LUZP2: variants seen among roughly 807,000 people sequenced by gnomAD.
LUZP2 encodes leucine zipper protein 2.
Under a neutral mutation model 51.6 loss-of-function variants are expected in LUZP2, and 52 were observed. That is an observed-to-expected ratio of 1.01 (90% CI 0.81 to 1.27). The LOEUF is 1.27. LUZP2 is among the 50% of genes most tolerant of loss of function. The pLI is 0.00. For missense variants in LUZP2, 436 were observed against 395.4 expected, an observed-to-expected ratio of 1.10 and a Z score of -0.87; for synonymous variants, 154 against 137.3, an observed-to-expected ratio of 1.12 and a Z score of -0.85.
intron 1 of LUZP2, among the ~76,000 whole-genome samples, chr11:24,548,731 A>G (rs973680466): frequency 6.6e-6 from 1 of 152,014 alleles, no homozygotes. Context: ...TAGATAAAAT[A>G]AAAATAAGAA....
chr11:24,548,360 C>T (rs977535392), intron 1 of LUZP2, among the ~76,000 whole-genome samples: 1 of 152,088 alleles, frequency 6.6e-6, no homozygotes, highest in Non-Finnish European at 1.5e-5. Flanking sequence ...CCATGGAATA[C>T]TATGCAGCCA....
intron 1 of LUZP2, among the ~76,000 whole-genome samples, chr11:24,509,375 G>A (rs1404773717): frequency 6.6e-6 from 1 of 151,536 alleles, no homozygotes; most frequent in African/African-American, 2.4e-5. Flanking sequence ...TTCATAGACT[G>A]ATACACTTGC....
At chr11:24,602,237 T>TATATATGCATATATGTAC (rs1554961973) in intron 1 of LUZP2, among the ~76,000 whole-genome samples, 3 of 39,960 alleles carry the variant, frequency 7.5e-5, no homozygotes, top group African/African-American at 1.1e-4. Context: ...CATATATGTG[T>TATATATGCATATATGTAC]ATATATGTAT....
At chr11:24,961,303 G>T (rs897522350) in intron 7 of LUZP2, among the ~76,000 whole-genome samples, 19 of 152,134 alleles carry the variant, frequency 1.2e-4, no homozygotes, top group Non-Finnish European at 2.4e-4. Flanking sequence ...CGGTATTCTT[G>T]TTAACTTTTT....
At chr11:24,830,196 C>T (rs1453246663) in intron 5 of LUZP2, among the ~76,000 whole-genome samples, 1 of 152,128 alleles carries the variant, frequency 6.6e-6, no homozygotes, top group Non-Finnish European at 1.5e-5. Flanking sequence ...ATCAAAACTA[C>T]CATCACATAA....
At chr11:25,049,992 G>T in intron 9 of LUZP2, 46 bp from the exon 10 acceptor site, 2 of 1,115,252 alleles carry the variant, frequency 1.8e-6, no homozygotes, top group South Asian at 1.6e-5. Context: ...TATTTCTCTT[G>T]TATTTAGTGA....
At chr11:24,562,667 C>T (rs2133775735) in intron 1 of LUZP2, among the ~76,000 whole-genome samples, 1 of 147,098 alleles carries the variant, frequency 6.8e-6, no homozygotes, top group South Asian at 2.2e-4. Context: ...TCCTGGCTAA[C>T]ATGGTGAAAC....
intron 9 of LUZP2, among the ~76,000 whole-genome samples, chr11:25,017,612 T>C (rs1306804724): frequency 6.6e-6 from 1 of 152,166 alleles, no homozygotes; most frequent in African/African-American, 2.4e-5. Flanking sequence ...GTTTCTTTCG[T>C]TTATGTATCT....
At chr11:24,926,624 T>C (rs1316833506) in intron 7 of LUZP2, among the ~76,000 whole-genome samples, 1 of 142,734 alleles carries the variant, frequency 7.0e-6, no homozygotes, top group East Asian at 2.1e-4. Flanking sequence ...TATATATATA[T>C]GTGTGTATAT....
chr11:24,654,351 T>C (rs1359153445), intron 1 of LUZP2, among the ~76,000 whole-genome samples: 1 of 152,228 alleles, frequency 6.6e-6, no homozygotes, highest in Non-Finnish European at 1.5e-5. Context: ...CCCTTAGTAA[T>C]TTCCTAGAAG....
intron 5 of LUZP2, among the ~76,000 whole-genome samples, chr11:24,825,838 G>A (rs1477557035): frequency 6.6e-6 from 1 of 151,712 alleles, no homozygotes; most frequent in Admixed American, 6.6e-5. Flanking sequence ...TTTCCTTATT[G>A]ATTAGAAAAA....
intron 5 of LUZP2, chr11:24,890,942 C>T (rs1163183726): frequency 7.9e-6 from 5 of 633,040 alleles, no homozygotes; most frequent in South Asian, 1.5e-4. Context: ...AATTCTATTG[C>T]TCTTATGATG....
At chr11:24,630,041 CT>C (rs111853738) in intron 1 of LUZP2, among the ~76,000 whole-genome samples, 3 of 151,194 alleles carry the variant, frequency 2.0e-5, no homozygotes, top group Non-Finnish European at 4.4e-5. Context: ...AATGGGATTA[CT>C]TTTTTTGTTT....
At chr11:24,517,072 A>G (rs1410287291) in intron 1 of LUZP2, among the ~76,000 whole-genome samples, 3 of 152,110 alleles carry the variant, frequency 2.0e-5, no homozygotes, top group African/African-American at 7.2e-5. Context: ...TTTCTTTATC[A>G]TATTTTTTGT....
chr11:24,742,278 C>T (rs1366443563), intron 4 of LUZP2, among the ~76,000 whole-genome samples: 1 of 151,634 alleles, frequency 6.6e-6, no homozygotes, highest in Non-Finnish European at 1.5e-5. Flanking sequence ...AATCACCACA[C>T]TGTTTTCCAC....
At chr11:24,927,076 A>G (rs1001510240) in intron 7 of LUZP2, among the ~76,000 whole-genome samples, 1 of 150,016 alleles carries the variant, frequency 6.7e-6, no homozygotes, top group African/African-American at 2.4e-5. Flanking sequence ...TCATGTTCTT[A>G]GCCAAATTTT....
At chr11:24,849,339 C>T (rs116444318) in intron 5 of LUZP2, among the ~76,000 whole-genome samples, 22,954 of 151,876 alleles carry the variant, frequency 0.15, 1,865 homozygotes, top group African/African-American at 0.2. Context: ...GTCCACGTAT[C>T]CTCATTGTTC....
chr11:24,899,708 A>G (rs1234211785), intron 5 of LUZP2, among the ~76,000 whole-genome samples: 1 of 152,202 alleles, frequency 6.6e-6, no homozygotes, highest in Non-Finnish European at 1.5e-5. Context: ...AAAGAGAGGC[A>G]TATTATAATG....
intron 1 of LUZP2, among the ~76,000 whole-genome samples, chr11:24,670,978 C>T (rs1856384274): frequency 1.3e-5 from 2 of 151,616 alleles, no homozygotes; most frequent in South Asian, 4.2e-4. Context: ...AGCTAATTCT[C>T]TCTCATTATT....
Sources: gnomAD v4.1 joint callset for allele counts (sites outside exome capture counted in the v4.1 genomes callset) on GRCh38, gnomAD v4.1.1 for gene constraint, MANE v1.5 for transcripts, NCBI Gene and HGNC (gene_info 2026-07-23, HGNC 2026-07-21) for gene names.